The following PLEKHH2 variants were observed in gnomAD, a reference collection of about 807,000 sequenced individuals.
PLEKHH2 encodes the protein pleckstrin homology domain-containing family H member 2.
Under a neutral mutation model 187.9 loss-of-function variants are expected in PLEKHH2, and 129 were observed. The ratio of observed to expected loss-of-function variants is 0.69; its 90% CI spans 0.59 to 0.79. The LOEUF (loss-of-function observed/expected upper bound fraction) is 0.79, where lower values mean the gene tolerates loss of function less well. PLEKHH2 is among the 30% of genes least tolerant of loss of function. The pLI is 0.00. For synonymous variants in PLEKHH2, 686 were observed against 605.6 expected (o/e 1.13, Z -1.95); for missense variants, 2,076 against 1,751.2 (o/e 1.19, Z -3.31).
chr2:43,739,767 C>A (rs1471727409), intron 20 of PLEKHH2, among the ~76,000 whole-genome samples: 1 of 152,212 alleles, frequency 6.6e-6, no homozygotes, highest in African/African-American at 2.4e-5. Context: ...CCTTCAAACA[C>A]ACTCCACCTT....
rs1223346573 is a variant in PLEKHH2, at chr2:43,727,477, G to A, written c.2721+1026G>A. ...CAGAGTGCAAATGGTTGATAGATTT[G>A]ACTATACAAAATTGAAATAATTATT... On this transcript the variant is annotated intron_variant, in intron 17 of 29. Transcript: ENST00000282406. Among the ~76,000 whole-genome samples the A allele has an allele frequency of 2.0e-5, 3 of 151,260 alleles. No individual in the cohort carries two copies. In the East Asian group the frequency reaches 5.8e-4, roughly 29 times the overall value.
At chr2:43,669,656 G>C (rs1667402209) in intron 2 of PLEKHH2, among the ~76,000 whole-genome samples, 1 of 151,772 alleles carries the variant, frequency 6.6e-6, no homozygotes, top group South Asian at 2.1e-4. Flanking sequence ...ACCGAAGAAT[G>C]GATAAACTCA....
intron 16 of PLEKHH2, among the ~76,000 whole-genome samples, chr2:43,722,383 G>A (rs1323148040): frequency 6.6e-6 from 1 of 152,126 alleles, no homozygotes; most frequent in African/African-American, 2.4e-5. Context: ...TGCCAATGAA[G>A]GTCAGAGAAG....
chr2:43,676,288 C>A (rs1667781508), intron 2 of PLEKHH2: 1 of 1,612,192 alleles, frequency 6.2e-7, no homozygotes, highest in East Asian at 2.2e-5. Context: ...AAGCAACATA[C>A]CCTTAAAAAA....
Position 43,720,664 on chromosome 2 carries a change from T to C in PLEKHH2, c.2461-5T>C. 1 of 1,607,336 alleles carries C rather than the reference T, an allele frequency of 6.2e-7. No individual in the cohort carries two copies. The highest frequency in any genetic ancestry group is 8.5e-7 in the Non-Finnish European group (1 of 1,178,090). ...AACTTGTAATTCATTGAAATATGGT[T>C]TCAGGTAAAACATGGATATTCCAAG... On this transcript the variant is annotated splice_polypyrimidine_tract_variant and splice_region_variant and intron_variant, in intron 15 of 29. Coordinates refer to ENST00000282406, the MANE Select transcript of PLEKHH2 (RefSeq NM_172069.4).
intron 27 of PLEKHH2, among the ~76,000 whole-genome samples, chr2:43,759,673 A>T (rs1279033920): frequency 6.6e-6 from 1 of 151,924 alleles, no homozygotes; most frequent in African/African-American, 2.4e-5. Context: ...CTTGTGTTAT[A>T]TTTTTCTGTG....
chr2:43,740,893 T>G, intron 20 of PLEKHH2, 53 bp from the exon 21 acceptor site: 1 of 1,597,132 alleles, frequency 6.3e-7, no homozygotes, highest in Non-Finnish European at 8.5e-7. Context: ...CACTCAGATG[T>G]GGATCTCTGA....
rs111397549 is a variant in PLEKHH2, at chr2:43,740,808, G to A, written c.3124-138G>A. The stretch of plus-strand genomic sequence containing the variant: ...TTGTTTTTAACCTATGATAAATGCT[G>A]TAAACAGATCATGCATATGTGAAAG... On this transcript the variant is annotated intron_variant, in intron 20 of 29. Transcript: ENST00000282406. 1.7e-4 allele frequency: 240 copies of A among 1,375,822 alleles called. No individual in the cohort carries two copies. In the Middle Eastern group the frequency reaches 1.9e-3, roughly 11 times the overall value. 85.2% of individuals were successfully genotyped at this position (1,375,822 alleles called of 1,614,324 possible).
chr2:43,748,953 C>T (rs2104609108), intron 24 of PLEKHH2, among the ~76,000 whole-genome samples: 1 of 152,262 alleles, frequency 6.6e-6, no homozygotes, highest in East Asian at 1.9e-4. Flanking sequence ...GACTGGTTTT[C>T]ACCATGTTGG....
At chr2:43,747,980 T>C (rs943848027) in intron 24 of PLEKHH2, among the ~76,000 whole-genome samples, 2 of 152,248 alleles carry the variant, frequency 1.3e-5, no homozygotes, top group African/African-American at 4.8e-5. Context: ...TGTCATGTTT[T>C]TGTCATATTC....
At position 43,699,681 on chromosome 2, in the gene PLEKHH2, A is replaced by T. The variant is rs753206417; in HGVS notation, c.723A>T (p.Gln241His). 2 of 1,613,506 alleles carry T rather than the reference A, an allele frequency of 1.2e-6. No homozygotes were observed. Among genetic ancestry groups the T allele is most frequent in the South Asian group, 2.2e-5 (2 of 91,024 alleles). The change falls in exon 8 of 30, where the codon CAA (glutamine) becomes CAT (histidine). Residue 241 changes from glutamine (Q) to histidine (H), a missense_variant. Physicochemically the swap from Gln to His is conservative, Grantham distance 24. Coordinates refer to ENST00000282406, the MANE Select transcript of PLEKHH2 (RefSeq NM_172069.4). ...TTCCAGAAAAGTCTGTTGATAACCA[A>T]GTTCTAGAAAACAACAGAGGCCAGA... ...MEIPEKSVDNQVLENNRGQRT... is the reference protein window; with the variant it reads ...MEIPEKSVDNHVLENNRGQRT...
intron 17 of PLEKHH2, among the ~76,000 whole-genome samples, chr2:43,726,722 C>G (rs895559205): frequency 4.6e-5 from 7 of 151,970 alleles, no homozygotes; most frequent in African/African-American, 1.7e-4. Context: ...GTGGATCTCT[C>G]AGATTGAACA....
chr2:43,717,071 A>G (rs1670247730), intron 15 of PLEKHH2, among the ~76,000 whole-genome samples: 1 of 152,162 alleles, frequency 6.6e-6, no homozygotes, highest in Non-Finnish European at 1.5e-5. Context: ...GGGACTGATA[A>G]GCTAGAATAA....
At chr2:43,703,184 G>A (rs1669474534) in intron 8 of PLEKHH2, among the ~76,000 whole-genome samples, 1 of 152,098 alleles carries the variant, frequency 6.6e-6, no homozygotes, top group Non-Finnish European at 1.5e-5. Context: ...ACTGTGTCCT[G>A]GACAGTCAAC....
rs530592834 is a variant in PLEKHH2 at position 43,737,509 on chromosome 2, G to T, written c.2944-832G>T. 3.3e-5 allele frequency among the ~76,000 whole-genome samples: 5 copies of T among 152,272 alleles called. No individual in the cohort carries two copies. In the South Asian group the frequency reaches 1.0e-3, roughly 32 times the overall value. ...CAGGAATCTAGAAGCAGTTTAGCTG[G>T]GTGGTTCTGACTCATAGTCTCCTGG... is the stretch of plus-strand genomic sequence containing the variant. On this transcript the variant is annotated intron_variant, in intron 19 of 29. Coordinates refer to ENST00000282406, the MANE Select transcript of PLEKHH2 (RefSeq NM_172069.4).
intron 1 of PLEKHH2, among the ~76,000 whole-genome samples, chr2:43,641,871 G>A (rs1242042426): frequency 1.3e-5 from 2 of 152,178 alleles, no homozygotes; most frequent in Non-Finnish European, 2.9e-5. Flanking sequence ...ACCACACTGT[G>A]TAATCAAGCT....
intron 2 of PLEKHH2, among the ~76,000 whole-genome samples, chr2:43,655,410 T>C (rs1250620279): frequency 1.3e-5 from 2 of 152,110 alleles, no homozygotes; most frequent in Non-Finnish European, 2.9e-5. Flanking sequence ...AGTCTTACAA[T>C]AGCTGGGATT....
At chr2:43,703,416 A>G (rs1007507066) in intron 8 of PLEKHH2, among the ~76,000 whole-genome samples, 2 of 152,244 alleles carry the variant, frequency 1.3e-5, no homozygotes, top group African/African-American at 2.4e-5. Flanking sequence ...GACTTTAGGT[A>G]TCTCTTCTAC....
intron 2 of PLEKHH2, among the ~76,000 whole-genome samples, chr2:43,651,460 T>C (rs1412893890): frequency 6.6e-6 from 1 of 152,240 alleles, no homozygotes; most frequent in African/African-American, 2.4e-5. Context: ...TTAGCATTTT[T>C]CCTATTATGA....
Sources: gnomAD v4.1 joint callset for allele counts (sites outside exome capture counted in the v4.1 genomes callset) on GRCh38, gnomAD v4.1.1 for gene constraint, MANE v1.5 for transcripts, NCBI Gene and HGNC (gene_info 2026-07-23, HGNC 2026-07-21) for gene names.